ST18: variants seen among roughly 807,000 people sequenced by gnomAD.
ST18 encodes suppression of tumorigenicity 18 protein.
ST18 carries 50 observed loss-of-function variants against 110.0 expected under a neutral mutation model. The ratio of observed to expected loss-of-function variants is 0.45; its 90% CI spans 0.36 to 0.58. ST18 has a LOEUF of 0.58. ST18 is among the 20% of genes least tolerant of loss of function. ST18 has a pLI of 0.00. For missense variants in ST18, 1,306 were observed against 1,280.1 expected, an observed-to-expected ratio of 1.02 and a Z score of -0.31; for synonymous variants, 461 against 452.4, an observed-to-expected ratio of 1.02 and a Z score of -0.24.
intron 2 of ST18, among the ~76,000 whole-genome samples, chr8:52,387,168 T>C (rs1837119439): frequency 6.6e-6 from 1 of 152,188 alleles, no homozygotes; most frequent in East Asian, 1.9e-4. Flanking sequence ...TTTTGGTTTT[T>C]TGTCTTCTGT....
intron 25 of ST18, among the ~76,000 whole-genome samples, chr8:52,114,601 C>A (rs528216889): frequency 2.6e-5 from 4 of 152,252 alleles, no homozygotes; most frequent in Admixed American, 1.3e-4. Flanking sequence ...TAGTATTGTC[C>A]AATCATGATT....
intron 15 of ST18, among the ~76,000 whole-genome samples, chr8:52,157,352 G>A (rs536169026): frequency 1.2e-4 from 18 of 152,132 alleles, no homozygotes; most frequent in African/African-American, 4.1e-4. Flanking sequence ...ACCACTTACC[G>A]TAGTCATTTC....
chr8:52,219,697 T>C (rs1037987475), intron 5 of ST18, among the ~76,000 whole-genome samples: 22 of 152,188 alleles, frequency 1.4e-4, no homozygotes, highest in Admixed American at 1.4e-3. Flanking sequence ...GAAGCAGATC[T>C]TCCTGAGGGC....
chr8:52,215,064 A>T (rs552872125), intron 6 of ST18, among the ~76,000 whole-genome samples: 3 of 152,170 alleles, frequency 2.0e-5, no homozygotes, highest in Non-Finnish European at 2.9e-5. Flanking sequence ...ATTCTTAAAT[A>T]TAAATAAGTT....
chr8:52,116,167 C>T (rs1219372626), intron 25 of ST18, 108 bp downstream of exon 25: 11 of 1,288,570 alleles, frequency 8.5e-6, no homozygotes, highest in African/African-American at 5.9e-5. Flanking sequence ...CACTCTGTGA[C>T]TGCTCACAGG....
chr8:52,281,200 G>A (rs924918311), intron 2 of ST18, among the ~76,000 whole-genome samples: 1 of 152,080 alleles, frequency 6.6e-6, no homozygotes, highest in Non-Finnish European at 1.5e-5. Context: ...GTAGCCTTAA[G>A]TGTATGTATA....
At chr8:52,230,555 T>C (rs1015946246) in intron 2 of ST18, among the ~76,000 whole-genome samples, 2 of 152,202 alleles carry the variant, frequency 1.3e-5, no homozygotes, top group African/African-American at 4.8e-5. Context: ...GTTCCTGTCA[T>C]TGCACACTAC....
chr8:52,197,603 C>T (rs1265623152), intron 8 of ST18, among the ~76,000 whole-genome samples: 1 of 152,060 alleles, frequency 6.6e-6, no homozygotes, highest in Non-Finnish European at 1.5e-5. Flanking sequence ...GTACAGATGT[C>T]CTTCTGTTCT....
intron 8 of ST18, among the ~76,000 whole-genome samples, chr8:52,185,309 T>C (rs900970824): frequency 3.3e-5 from 5 of 152,316 alleles, no homozygotes; most frequent in South Asian, 4.1e-4. Context: ...AAAGTGTTCA[T>C]GGATGAAAAG....
chr8:52,155,810 T>C (rs1410684432), intron 15 of ST18, among the ~76,000 whole-genome samples: 1 of 152,136 alleles, frequency 6.6e-6, no homozygotes, highest in African/African-American at 2.4e-5. Context: ...TTGGAGTCTG[T>C]TGTGAGATTG....
chr8:52,252,516 A>C (rs2094360026), intron 2 of ST18, among the ~76,000 whole-genome samples: 1 of 149,968 alleles, frequency 6.7e-6, no homozygotes, highest in Admixed American at 6.7e-5. Context: ...AAAAAAAAAA[A>C]CTCCTTTAAA....
intron 2 of ST18, among the ~76,000 whole-genome samples, chr8:52,325,253 CT>C (rs1315669933): frequency 6.6e-6 from 1 of 152,144 alleles, no homozygotes; most frequent in African/African-American, 2.4e-5. Context: ...CATTGAAATG[CT>C]TAACGACTAA....
At chr8:52,166,752 T>G in intron 11 of ST18, 100 bp downstream of exon 11, 1 of 1,368,266 alleles carries the variant, frequency 7.3e-7, no homozygotes, top group Non-Finnish European at 9.6e-7. Context: ...TTTAAAAAAG[T>G]TTGTTTCCAT....
At chr8:52,246,746 C>T (rs1204448284) in intron 2 of ST18, 2 of 152,166 alleles carry the variant, frequency 1.3e-5, no homozygotes, top group African/African-American at 2.4e-5. Context: ...TTGGCACATC[C>T]CCTCGCTGTC....
intron 2 of ST18, among the ~76,000 whole-genome samples, chr8:52,300,889 G>A (rs923685329): frequency 1.3e-5 from 2 of 152,262 alleles, no homozygotes; most frequent in East Asian, 1.9e-4. Context: ...AATGAGATGT[G>A]AGAGACAGAA....
intron 23 of ST18, among the ~76,000 whole-genome samples, chr8:52,124,817 G>A (rs112569947): frequency 2.0e-5 from 3 of 152,112 alleles, no homozygotes; most frequent in African/African-American, 4.8e-5. Flanking sequence ...AACAAGGACC[G>A]CTTTAAATAC....
chr8:52,143,049 GAAAACAAACAA>G lies in ST18; in HGVS notation c.2053-15_2053-5del, dbSNP rs750436728. The G allele has an allele frequency of 1.3e-6, 2 of 1,579,882 alleles. No individual in the cohort carries two copies. Among genetic ancestry groups the G allele is most frequent in the African/African-American group, 1.4e-5 (1 of 73,888 alleles). On this transcript the variant is annotated splice_region_variant and splice_polypyrimidine_tract_variant and intron_variant, in intron 16 of 25. Transcript: ENST00000689386. ...CTAGAGAGCTCACTGGGTCTTTCTG[GAAAACAAACAA>G]AAAACAAACAAAACACAGAAGCCAT... is the stretch of plus-strand genomic sequence containing the variant.
At position 52,191,950 on chromosome 8, in the gene ST18, C is replaced by A. The variant is rs558609333; in HGVS notation, c.87-11638G>T. 2.6e-5 allele frequency among the ~76,000 whole-genome samples: 4 copies of A among 152,254 alleles called. No individual in the cohort carries two copies. The East Asian group carries it at 7.7e-4, about 29-fold the overall frequency. On this transcript the variant is annotated intron_variant, in intron 8 of 25. Transcript: ENST00000689386. ...GTGAAATGGGAAGGTCTTAATTTTG[C>A]ATGACAACAGGCACTGAAGGGCATT...
intron 2 of ST18, among the ~76,000 whole-genome samples, chr8:52,353,478 T>C (rs1467795059): frequency 1.3e-5 from 2 of 152,224 alleles, no homozygotes; most frequent in East Asian, 1.9e-4. Flanking sequence ...GTGTTGCCTT[T>C]GCTGCCAGAA....
Sources: allele counts gnomAD v4.1 joint callset (sites outside exome capture counted in the v4.1 genomes callset), GRCh38; gene constraint gnomAD v4.1.1; transcripts MANE v1.5; gene names NCBI Gene and HGNC (gene_info 2026-07-23, HGNC 2026-07-21).